The following GATA6 variants were observed in gnomAD, a reference collection of about 807,000 sequenced individuals.
GATA6 encodes GATA binding protein 6.
Under a neutral mutation model 48.1 loss-of-function variants are expected in GATA6, and 11 were observed. That is an observed-to-expected ratio of 0.23 (90% CI 0.14 to 0.38). The LOEUF (loss-of-function observed/expected upper bound fraction) is 0.38. GATA6 is among the 10% of genes least tolerant of loss of function. The pLI, the probability that GATA6 is intolerant of heterozygous loss-of-function variation, is 1.00. For missense variants in GATA6, 795 were observed against 850.3 expected (o/e 0.93, Z 0.81); for synonymous variants, 419 against 396.1 (o/e 1.06, Z -0.69).
At chr18:22,179,577 T>A (rs1289098156) in intron 3 of GATA6, among the ~76,000 whole-genome samples, 1 of 152,230 alleles carries the variant, frequency 6.6e-6, no homozygotes, top group African/African-American at 2.4e-5. Flanking sequence ...CTGTCATAAA[T>A]GGCTGGTTTA....
chr18:22,191,814 A>G (rs2033331127), intron 6 of GATA6, among the ~76,000 whole-genome samples: 1 of 152,184 alleles, frequency 6.6e-6, no homozygotes, highest in Non-Finnish European at 1.5e-5. Context: ...ATATTTTAAG[A>G]ATGATTTGGA....
intron 4 of GATA6, 119 bp from the exon 5 acceptor site, chr18:22,182,638 G>C (rs1386676264): frequency 1.4e-6 from 1 of 729,288 alleles, no homozygotes; most frequent in African/African-American, 1.8e-5. Flanking sequence ...GATTAGAGGC[G>C]TGAGCCACTG....
intron 6 of GATA6, among the ~76,000 whole-genome samples, chr18:22,198,070 CTTTCT>C (rs1394777187): frequency 1.6e-4 from 22 of 140,110 alleles, no homozygotes; most frequent in Middle Eastern, 3.5e-3. Context: ...TCTTCTCTTT[CTTTCT>C]TTTTTTTTTT....
chr18:22,187,853 G>GA (rs113587081), intron 6 of GATA6, among the ~76,000 whole-genome samples: 31 of 151,022 alleles, frequency 2.1e-4, no homozygotes, highest in Middle Eastern at 3.4e-3. Flanking sequence ...CAGAAAAAAA[G>GA]AAAAAAAAAT....
chr18:22,175,985 T>G (rs1398854833), intron 2 of GATA6, among the ~76,000 whole-genome samples: 12 of 152,218 alleles, frequency 7.9e-5, no homozygotes, highest in Non-Finnish European at 2.9e-5. Flanking sequence ...GAGACATTTA[T>G]TCTTCCATAT....
chr18:22,182,086 TAATAAACAACTCAATCTTAAAAAGAAA>T (rs908185491), intron 4 of GATA6, among the ~76,000 whole-genome samples: 1 of 152,132 alleles, frequency 6.6e-6, no homozygotes, highest in African/African-American at 2.4e-5. Context: ...GCACAAAATA[TAATAAACAACTCAATCTTAAAAAGAAA>T]AATAACCTTG....
intron 3 of GATA6, 106 bp downstream of exon 3, chr18:22,177,227 G>C: frequency 1.8e-6 from 2 of 1,083,426 alleles, no homozygotes; most frequent in South Asian, 3.5e-5. Flanking sequence ...CCTCCCAGGG[G>C]ACAGGTGCGG....
intron 6 of GATA6, among the ~76,000 whole-genome samples, chr18:22,198,320 C>T (rs1325966086): frequency 6.6e-6 from 1 of 152,208 alleles, no homozygotes; most frequent in Non-Finnish European, 1.5e-5. Context: ...ATCCTCCCTC[C>T]TCGGCTTCCC....
intron 6 of GATA6, among the ~76,000 whole-genome samples, chr18:22,190,682 T>C (rs1243292890): frequency 1.3e-5 from 2 of 152,188 alleles, no homozygotes; most frequent in Non-Finnish European, 2.9e-5. Context: ...AAGCCAGTAT[T>C]GAAGCCGGGA....
At chr18:22,177,952 G>GTTTTTT (rs775374335) in intron 3 of GATA6, among the ~76,000 whole-genome samples, 15 of 80,494 alleles carry the variant, frequency 1.9e-4, no homozygotes, top group East Asian at 3.5e-4. Flanking sequence ...CTGTTTTTTT[G>GTTTTTT]TTTTTTTTTT....
Position 22,201,843 on chromosome 18 carries a change from ACT to A in GATA6, c.*1023_*1024del, listed in dbSNP as rs1386378155. On this transcript the variant is annotated 3_prime_UTR_variant, in exon 7 of 7. Coordinates refer to ENST00000269216, the MANE Select transcript of GATA6 (RefSeq NM_005257.6). ...GTAAATACTCTAGGTATCTGTAAACACTCTGATGAAGTCTGTATAGTGTGACT... is the reference window on the plus strand; with the variant it reads ...GTAAATACTCTAGGTATCTGTAAACACTGATGAAGTCTGTATAGTGTGACT... 5 of 152,498 alleles carry A rather than the reference ACT, an allele frequency of 3.3e-5. No individual in the cohort carries two copies. Among genetic ancestry groups the A allele is most frequent in the Non-Finnish European group, 5.9e-5 (4 of 68,018 alleles). The allele number at this position is 152,498 out of a possible 1,614,324, so 9.4% of individuals were successfully genotyped here. A position where few individuals can be genotyped will look rare whatever the true frequency, so the allele number is the denominator to read the frequency against.
intron 6 of GATA6, among the ~76,000 whole-genome samples, chr18:22,193,321 C>T (rs142176336): frequency 2.1e-4 from 32 of 152,304 alleles, no homozygotes; most frequent in African/African-American, 7.7e-4. Flanking sequence ...TAAACTATTA[C>T]TGTCACTTTG....
Position 22,172,288 on chromosome 18 carries a change from C to A in GATA6, c.1135+9C>A. 6.5e-7 allele frequency: 1 copy of A among 1,531,300 alleles called. No individual in the cohort carries two copies. The highest frequency in any genetic ancestry group is 8.7e-7 in the Non-Finnish European group (1 of 1,145,060). The allele number at this position is 1,531,300 out of a possible 1,614,324, so 94.9% of individuals were successfully genotyped here. A position where few individuals can be genotyped will look rare whatever the true frequency, so the allele number is the denominator to read the frequency against. On this transcript the variant is annotated intron_variant, in intron 2 of 6. Coordinates refer to ENST00000269216, the MANE Select transcript of GATA6 (RefSeq NM_005257.6). The surrounding 1 kb of genome is among the most constrained non-coding windows in gnomAD (Gnocchi z 5.2). ...CCGGGGTCCCAGTGCAGGTAAGGGT[C>A]GCGCCTCAGGTTCGGGGTGCGGGTC...
In GATA6 at chr18:22,175,248, A is replaced by G. The variant is rs538431358; in HGVS notation, c.1136-1707A>G. Among the ~76,000 whole-genome samples the G allele has an allele frequency of 2.0e-5, 3 of 152,318 alleles. No individual in the cohort carries two copies. The East Asian group carries it at 5.8e-4, about 29-fold the overall frequency. ...GATTTTATTCAACTAAAAATAAGCAAGCTTCCTAGGTTGTATTTATCCAAA... is the reference window on the plus strand; with the variant it reads ...GATTTTATTCAACTAAAAATAAGCAGGCTTCCTAGGTTGTATTTATCCAAA... On this transcript the variant is annotated intron_variant, in intron 2 of 6. Coordinates refer to ENST00000269216, the MANE Select transcript of GATA6 (RefSeq NM_005257.6).
At chr18:22,186,204 A>G (rs1302633072) in intron 6 of GATA6, among the ~76,000 whole-genome samples, 1 of 152,194 alleles carries the variant, frequency 6.6e-6, no homozygotes. Flanking sequence ...ACTGGTAGAA[A>G]TTAGTAGTGC....
rs1414915840 is a variant in GATA6 at position 22,170,945 on chromosome 18, G to T, written c.-37-163G>T. 1.8e-5 allele frequency: 11 copies of T among 608,642 alleles called. No homozygotes were observed. Among genetic ancestry groups the T allele is most frequent in the Non-Finnish European group, 2.6e-5 (9 of 341,546 alleles). The allele number at this position is 608,642 out of a possible 1,614,324, so 37.7% of individuals were successfully genotyped here. On this transcript the variant is annotated intron_variant, in intron 1 of 6. Transcript: ENST00000269216. This position sits in a 1 kb window ranked among gnomAD's most constrained non-coding sequence, Gnocchi z 6.7. ...CTTCCCCTCCCTTATTGATCTCCAC[G>T]CCCGGGGCAGAAATAGGATCTTTGA...
chr18:22,173,122 G>T (rs1197461396), intron 2 of GATA6, among the ~76,000 whole-genome samples: 3 of 152,170 alleles, frequency 2.0e-5, no homozygotes, highest in Admixed American at 2.0e-4. Flanking sequence ...CCATTAGGGG[G>T]TAAACCGTGA....
chr18:22,181,390 A>G (rs1287412964), intron 3 of GATA6, 63 bp from the exon 4 acceptor site: 9 of 1,527,168 alleles, frequency 5.9e-6, no homozygotes, highest in African/African-American at 1.4e-5. Context: ...ACCTTAATGT[A>G]TGTATGTAAT....
chr18:22,181,310 AT>A (rs1218306787), intron 3 of GATA6, 142 bp from the exon 4 acceptor site: 58 of 1,047,152 alleles, frequency 5.5e-5, no homozygotes, highest in Non-Finnish European at 7.0e-5. Context: ...GTACACTGCA[AT>A]TTTTTTTCTC....
Sources: allele counts gnomAD v4.1 joint callset (sites outside exome capture counted in the v4.1 genomes callset), GRCh38; gene constraint gnomAD v4.1.1; non-coding constraint Gnocchi (gnomAD v3.1); transcripts MANE v1.5; gene names NCBI Gene and HGNC (gene_info 2026-07-23, HGNC 2026-07-21).